SRGAP2: variants seen among roughly 807,000 people sequenced by gnomAD.
SRGAP2 encodes SLIT-ROBO Rho GTPase-activating protein 2.
SRGAP2 carries 15 observed loss-of-function variants against 57.2 expected under a neutral mutation model. The ratio of observed to expected loss-of-function variants is 0.26; its 90% CI spans 0.18 to 0.40. SRGAP2 has a LOEUF of 0.40. Ranked by LOEUF, SRGAP2 falls within the 10% of genes least tolerant of loss-of-function variation. The probability of loss-of-function intolerance (pLI) is 1.00; values close to 1 mark genes in which losing one functional copy is unlikely to be tolerated. For missense variants in SRGAP2, 520 were observed against 669.6 expected (o/e 0.78, Z 2.47); for synonymous variants, 249 against 248.0 (o/e 1.00, Z -0.04).
intron 22 of SRGAP2, among the ~76,000 whole-genome samples, chr1:206,459,183 C>T (rs1439473297): frequency 2.0e-5 from 3 of 152,232 alleles, no homozygotes; most frequent in African/African-American, 4.8e-5. Flanking sequence ...GCTTCTTGCT[C>T]ATACACTGGC....
Position 206,454,170 on chromosome 1 carries a change from C to T in SRGAP2, c.2361-708C>T, listed in dbSNP as rs1663608730. 2.8e-6 allele frequency: 2 copies of T among 702,444 alleles called. No homozygotes were observed. Among genetic ancestry groups the T allele is most frequent in the South Asian group, 3.0e-5 (2 of 67,592 alleles). 43.5% of individuals were successfully genotyped at this position (702,444 alleles called of 1,614,324 possible). A position where few individuals can be genotyped will look rare whatever the true frequency, so the allele number is the denominator to read the frequency against. ...TTGATATCCTGAGTGAGTCTGCACC[C>T]TCCCAGCCTCTTCCCGGCTCGTTCT... On this transcript the variant is annotated intron_variant, in intron 20 of 22. Transcript: ENST00000573034. This position sits in a 1 kb window ranked among gnomAD's most constrained non-coding sequence, Gnocchi z 4.3.
Position 206,461,802 on chromosome 1 carries a change from T to C in SRGAP2, c.*382T>C, listed in dbSNP as rs1015592738. ...GATGGTTGGCTACTGCCATCCAGCT[T>C]TCAGTGGCATCTTGTTTTGGGAACT... is the stretch of plus-strand genomic sequence containing the variant. On this transcript the variant is annotated 3_prime_UTR_variant, in exon 23 of 23. Transcript: ENST00000573034. 5.1e-6 allele frequency: 1 copy of C among 196,532 alleles called. No individual in the cohort carries two copies. Among genetic ancestry groups the C allele is most frequent in the Admixed American group, 5.3e-5 (1 of 18,922 alleles). 12.2% of individuals were successfully genotyped at this position (196,532 alleles called of 1,614,324 possible).
chr1:206,394,342 G>A (rs1657353490), intron 7 of SRGAP2, among the ~76,000 whole-genome samples: 1 of 152,182 alleles, frequency 6.6e-6, no homozygotes, highest in South Asian at 2.1e-4. Context: ...GATTACAGGT[G>A]TGGGCCCTGC....
chr1:206,432,889 C>T (rs898729042), intron 14 of SRGAP2, among the ~76,000 whole-genome samples: 1 of 152,172 alleles, frequency 6.6e-6, no homozygotes, highest in African/African-American at 2.4e-5. Flanking sequence ...GTGTTGTTTA[C>T]CCTGGTAATC....
intron 22 of SRGAP2, among the ~76,000 whole-genome samples, chr1:206,460,377 A>C (rs1300541224): frequency 3.6e-4 from 55 of 151,902 alleles, no homozygotes; most frequent in Admixed American, 2.6e-3. Flanking sequence ...CAATTGATTC[A>C]CCTATGTGGG....
chr1:206,322,431 T>A (rs1264259013), intron 3 of SRGAP2, among the ~76,000 whole-genome samples: 1 of 150,718 alleles, frequency 6.6e-6, no homozygotes, highest in Non-Finnish European at 1.5e-5. Context: ...AAAAAAAAAA[T>A]TAGCCGGGCG....
chr1:206,290,481 T>C (rs1204519915), intron 2 of SRGAP2, among the ~76,000 whole-genome samples: 4 of 151,552 alleles, frequency 2.6e-5, no homozygotes, highest in Admixed American at 1.3e-4. Flanking sequence ...ACTTTGTCTC[T>C]ATACAAAAAA....
Position 206,375,623 on chromosome 1 carries a change from A to G in SRGAP2, c.424-8391A>G, listed in dbSNP as rs1288377716. 2.0e-5 allele frequency among the ~76,000 whole-genome samples: 3 copies of G among 152,288 alleles called. No homozygotes were observed. The East Asian group carries it at 5.8e-4, about 29-fold the overall frequency. ...GAGATTGGAACAACCATGGAAGAAC[A>G]TTCAGATTATTATAGGACTGTGTTT... On this transcript the variant is annotated intron_variant, in intron 4 of 22. Coordinates refer to ENST00000573034, the MANE Select transcript of SRGAP2 (RefSeq NM_015326.5).
intron 14 of SRGAP2, among the ~76,000 whole-genome samples, chr1:206,434,601 G>T (rs1558429266): frequency 6.6e-6 from 1 of 152,122 alleles, no homozygotes; most frequent in Non-Finnish European, 1.5e-5. Context: ...TTACTTTCTG[G>T]AAACCAGCCA....
chr1:206,350,495 C>G (rs1464433965), intron 4 of SRGAP2, among the ~76,000 whole-genome samples: 1 of 152,098 alleles, frequency 6.6e-6, no homozygotes, highest in African/African-American at 2.4e-5. Context: ...TTAAAAAATA[C>G]TCATGCCAAG....
At chr1:206,282,104 G>C (rs1670774424) in intron 2 of SRGAP2, among the ~76,000 whole-genome samples, 1 of 77,292 alleles carries the variant, frequency 1.3e-5, no homozygotes, top group Non-Finnish European at 2.4e-5. Flanking sequence ...CCAGCTCCAG[G>C]CTGATTCACT....
chr1:206,446,089 G>A lies in SRGAP2; in HGVS notation c.1889G>A (p.Ser630Asn). 1 of 780,948 alleles carries A rather than the reference G, an allele frequency of 1.3e-6. No individual in the cohort carries two copies. Among genetic ancestry groups the A allele is most frequent in the Non-Finnish European group, 2.4e-6 (1 of 418,018 alleles). 48.4% of individuals were successfully genotyped at this position (780,948 alleles called of 1,614,324 possible). Residue 630 changes from serine (S) to asparagine (N), a missense_variant, in exon 18 of 23, where the codon AGT becomes AAT. This residue lies in a region of SRGAP2 where 478 missense variants were observed against 373.6 expected (regional missense o/e 1.28). Transcript: ENST00000573034. ...TTCTCCTCCAGTTTATCACAGTTCA[G>A]TGAAGAGAACATGATGGACCCCTAC... ...FAFLNHLSQF[S>N]EENMMDPYNL...
intron 3 of SRGAP2, among the ~76,000 whole-genome samples, chr1:206,327,698 AAC>A (rs1300445559): frequency 1.7e-5 from 2 of 115,092 alleles, no homozygotes; most frequent in Non-Finnish European, 3.4e-5. Context: ...TTAAAAGATA[AAC>A]AGTTATTCAT....
chr1:206,410,163 C>T (rs1206229625), intron 10 of SRGAP2, among the ~76,000 whole-genome samples: 1 of 152,144 alleles, frequency 6.6e-6, no homozygotes, highest in East Asian at 1.9e-4. Context: ...AAAGCTGGAC[C>T]CACCACTCTG....
At chr1:206,446,504 T>C (rs1662773732) in intron 18 of SRGAP2, among the ~76,000 whole-genome samples, 1 of 152,228 alleles carries the variant, frequency 6.6e-6, no homozygotes, top group South Asian at 2.1e-4. Flanking sequence ...ACCTCCCTTT[T>C]TGATGAGTTC....
At chr1:206,421,046 G>A (rs1238709665) in intron 12 of SRGAP2, among the ~76,000 whole-genome samples, 5 of 152,224 alleles carry the variant, frequency 3.3e-5, no homozygotes, top group South Asian at 2.1e-4. Flanking sequence ...TATTGTGGAA[G>A]TAATTTATCA....
At chr1:206,448,035 C>T (rs1243107923) in intron 18 of SRGAP2, among the ~76,000 whole-genome samples, 1 of 152,186 alleles carries the variant, frequency 6.6e-6, no homozygotes, top group Non-Finnish European at 1.5e-5. Flanking sequence ...GAACAAGAGT[C>T]AGCAACCTTG....
chr1:206,378,802 G>A (rs1419538837), intron 4 of SRGAP2, among the ~76,000 whole-genome samples: 12 of 152,164 alleles, frequency 7.9e-5, no homozygotes, highest in African/African-American at 7.2e-5. Context: ...CACTCACCGC[G>A]AAGGTCCACA....
chr1:206,420,730 G>A (rs151026960), intron 12 of SRGAP2, among the ~76,000 whole-genome samples: 1 of 152,186 alleles, frequency 6.6e-6, no homozygotes, highest in Non-Finnish European at 1.5e-5. Context: ...AACACAGATT[G>A]GAAAACATTG....
Sources: allele counts gnomAD v4.1 joint callset (sites outside exome capture counted in the v4.1 genomes callset), GRCh38; gene constraint gnomAD v4.1.1; regional missense constraint gnomAD v4.1.1; non-coding constraint Gnocchi (gnomAD v3.1); transcripts MANE v1.5; gene names NCBI Gene and HGNC (gene_info 2026-07-23, HGNC 2026-07-21).